JARID2: variants seen among roughly 807,000 people sequenced by gnomAD.
JARID2 encodes the protein protein Jumonji.
A neutral mutation model predicts 125.6 loss-of-function variants in JARID2; 21 were observed. That is an observed-to-expected ratio of 0.17 (90% confidence interval 0.12 to 0.24). The LOEUF (loss-of-function observed/expected upper bound fraction) is 0.24. Ranked by LOEUF, JARID2 falls within the 10% of genes least tolerant of loss-of-function variation. The pLI is 1.00. For missense variants in JARID2, 1,303 were observed against 1,639.6 expected, an observed-to-expected ratio of 0.79 and a Z score of 3.55; for synonymous variants, 736 against 661.6, an observed-to-expected ratio of 1.11 and a Z score of -1.73.
intron 1 of JARID2, among the ~76,000 whole-genome samples, chr6:15,368,316 C>G (rs546449862): frequency 1.3e-5 from 2 of 152,130 alleles, no homozygotes; most frequent in East Asian, 3.9e-4. Context: ...GGGAGCTGTG[C>G]TTTTGGTTGG....
intron 1 of JARID2, among the ~76,000 whole-genome samples, chr6:15,356,086 C>G (rs1763590877): frequency 6.6e-6 from 1 of 152,352 alleles, no homozygotes; most frequent in Admixed American, 6.5e-5. Flanking sequence ...TATGTGGCCT[C>G]TCTGCCTCCC....
At chr6:15,512,778 T>G in intron 14 of JARID2, 137 bp from the exon 15 acceptor site, 1 of 926,296 alleles carries the variant, frequency 1.1e-6, no homozygotes, top group Non-Finnish European at 1.6e-6. Flanking sequence ...GGAGGCAAAG[T>G]TTTGAAGAGT....
intron 2 of JARID2, among the ~76,000 whole-genome samples, chr6:15,380,434 T>C (rs1292011026): frequency 1.3e-5 from 2 of 152,246 alleles, no homozygotes; most frequent in Non-Finnish European, 2.9e-5. Context: ...TGTAATTGAA[T>C]TGATAGAGGG....
At chr6:15,344,025 A>C (rs946684368) in intron 1 of JARID2, among the ~76,000 whole-genome samples, 1 of 151,884 alleles carries the variant, frequency 6.6e-6, no homozygotes, top group Non-Finnish European at 1.5e-5. Context: ...CCTTTCAGAC[A>C]GACAGGGCGT....
chr6:15,281,464 T>A (rs1400592994), intron 1 of JARID2, among the ~76,000 whole-genome samples: 1 of 152,246 alleles, frequency 6.6e-6, no homozygotes, highest in Non-Finnish European at 1.5e-5. Context: ...TCTCCTATTG[T>A]ACTGCCTTCC....
intron 1 of JARID2, among the ~76,000 whole-genome samples, chr6:15,251,705 G>C (rs892063900): frequency 1.3e-4 from 20 of 152,132 alleles, no homozygotes; most frequent in African/African-American, 4.3e-4. Flanking sequence ...GAAAAAGAGC[G>C]TGGTGGCTCA....
At chr6:15,370,668 A>G (rs1277432333) in intron 1 of JARID2, among the ~76,000 whole-genome samples, 1 of 152,108 alleles carries the variant, frequency 6.6e-6, no homozygotes, top group Admixed American at 6.5e-5. Flanking sequence ...TAGAGCGTTC[A>G]GTACTGGTTG....
At chr6:15,513,537 ATCTC>A in intron 16 of JARID2, 115 bp downstream of exon 16, 2 of 1,041,436 alleles carry the variant, frequency 1.9e-6, no homozygotes, top group Non-Finnish European at 2.7e-6. Context: ...CTGTGCTCCC[ATCTC>A]TGGAGCCGGC....
chr6:15,476,692 A>G lies in JARID2; in HGVS notation c.670+7974A>G, dbSNP rs147247249. 3.9e-3 allele frequency among the ~76,000 whole-genome samples: 590 copies of G among 152,340 alleles called. 3 individuals are homozygous for G. The highest frequency in any genetic ancestry group is 0.02 in the Middle Eastern group (6 of 294). On this transcript the variant is annotated intron_variant, in intron 5 of 17. Transcript: ENST00000341776. ...AATGCTTCCAGCAACTTCTATTTCA[A>G]TAGCACATCAGAGTTTCCAAAATAC...
chr6:15,471,230 C>A (rs1018023122), intron 5 of JARID2, among the ~76,000 whole-genome samples: 1 of 152,044 alleles, frequency 6.6e-6, no homozygotes, highest in African/African-American at 2.4e-5. Context: ...GAGAGACAAC[C>A]GAATTATTGA....
At chr6:15,448,860 C>G (rs946747268) in intron 3 of JARID2, among the ~76,000 whole-genome samples, 2 of 152,034 alleles carry the variant, frequency 1.3e-5, no homozygotes, top group South Asian at 2.1e-4. Context: ...CTTGAGAAAC[C>G]TCTGCAGTTT....
chr6:15,320,260 A>C (rs759808165), intron 1 of JARID2, among the ~76,000 whole-genome samples: 1 of 152,278 alleles, frequency 6.6e-6, no homozygotes, highest in Non-Finnish European at 1.5e-5. Context: ...CTTAGTATTC[A>C]GTTAAGACAC....
At chr6:15,455,614 C>T (rs979601071) in intron 4 of JARID2, among the ~76,000 whole-genome samples, 3 of 152,222 alleles carry the variant, frequency 2.0e-5, no homozygotes, top group Admixed American at 6.5e-5. Flanking sequence ...TCACTGCAAC[C>T]TCTGCATCCT....
At chr6:15,414,206 A>T (rs981282732) in intron 3 of JARID2, among the ~76,000 whole-genome samples, 6 of 152,166 alleles carry the variant, frequency 3.9e-5, no homozygotes, top group African/African-American at 1.4e-4. Context: ...GTGGAGACTG[A>T]TGCCAGCCTC....
intron 4 of JARID2, among the ~76,000 whole-genome samples, chr6:15,467,567 C>CA (rs1030684017): frequency 6.7e-6 from 1 of 148,976 alleles, no homozygotes; most frequent in Non-Finnish European, 1.5e-5. Context: ...TAAGGGTGGG[C>CA]ATGGGGGCTC....
chr6:15,517,533 C>G (rs575465872), intron 17 of JARID2, among the ~76,000 whole-genome samples: 18 of 152,346 alleles, frequency 1.2e-4, no homozygotes, highest in African/African-American at 4.1e-4. Flanking sequence ...GCCCCCCCGG[C>G]TTTCCCAAGG....
intron 3 of JARID2, among the ~76,000 whole-genome samples, chr6:15,424,063 G>A (rs192910185): frequency 6.6e-6 from 1 of 151,740 alleles, no homozygotes; most frequent in African/African-American, 2.4e-5. Context: ...ATCTGAGCCC[G>A]CATTCCTAAA....
intron 1 of JARID2, among the ~76,000 whole-genome samples, chr6:15,348,240 C>A (rs1179123092): frequency 6.6e-6 from 1 of 151,556 alleles, no homozygotes; most frequent in South Asian, 2.1e-4. Context: ...TACAGCCGCC[C>A]GCCACCACAC....
chr6:15,332,629 C>A (rs1762745057), intron 1 of JARID2, among the ~76,000 whole-genome samples: 1 of 152,202 alleles, frequency 6.6e-6, no homozygotes, highest in Non-Finnish European at 1.5e-5. Flanking sequence ...GTGGTGGGCG[C>A]TACTTGTGTA....
Sources: allele counts gnomAD v4.1 joint callset (sites outside exome capture counted in the v4.1 genomes callset), GRCh38; gene constraint gnomAD v4.1.1; transcripts MANE v1.5; gene names NCBI Gene and HGNC (gene_info 2026-07-23, HGNC 2026-07-21).